Variants in PDE1C observed in about 807,000 individuals in gnomAD.
PDE1C encodes the protein phosphodiesterase 1C, also known as dual specificity calcium/calmodulin-dependent 3',5'-cyclic nucleotide phosphodiesterase 1C.
In PDE1C, 62 loss-of-function variants were observed where a neutral mutation model predicts 93.1. The observed-to-expected ratio is 0.67, with a 90% confidence interval of 0.54 to 0.82. The LOEUF is 0.82. PDE1C is among the 40% of genes least tolerant of loss of function. The pLI, the probability that PDE1C is intolerant of heterozygous loss-of-function variation, is 0.00. For synonymous variants in PDE1C, 325 were observed against 310.1 expected (o/e 1.05, Z -0.50); for missense variants, 742 against 884.6 (o/e 0.84, Z 2.04).
intron 3 of PDE1C, among the ~76,000 whole-genome samples, chr7:32,100,026 A>G (rs1266428952): frequency 6.6e-6 from 1 of 152,122 alleles, no homozygotes; most frequent in African/African-American, 2.4e-5. Flanking sequence ...ACTCACATTG[A>G]AAAAAAGCAT....
At chr7:31,648,999 T>G in the PDE1C span, among the ~76,000 whole-genome samples, 4 of 152,256 alleles carry the variant, frequency 2.6e-5, no homozygotes, top group Non-Finnish European at 5.9e-5. Context: ...AGAGCCATAA[T>G]CTAGCATTCC....
intron 16 of PDE1C, among the ~76,000 whole-genome samples, chr7:31,782,904 T>G (rs1783538889): frequency 6.6e-6 from 1 of 152,260 alleles, no homozygotes; most frequent in African/African-American, 2.4e-5. Context: ...TGGGATAATG[T>G]GTTCTGAGCA....
chr7:32,374,472 T>C (rs978699354), intron 1 of PDE1C, among the ~76,000 whole-genome samples: 1 of 152,180 alleles, frequency 6.6e-6, no homozygotes, highest in Non-Finnish European at 1.5e-5. Flanking sequence ...AGCCACCATG[T>C]AAGAAGTTCA....
At chr7:31,663,325 A>G in the PDE1C span, among the ~76,000 whole-genome samples, 2 of 152,236 alleles carry the variant, frequency 1.3e-5, no homozygotes, top group South Asian at 4.2e-4. Flanking sequence ...TGCTCTTGCC[A>G]CCGCGTTGTA....
chr7:32,273,569 T>C (rs900685355), intron 1 of PDE1C, among the ~76,000 whole-genome samples: 6 of 152,158 alleles, frequency 3.9e-5, no homozygotes, highest in African/African-American at 1.2e-4. Context: ...CATTTGTTTG[T>C]TAGGGAGACA....
chr7:31,878,347 A>G (rs1030641907), intron 4 of PDE1C, among the ~76,000 whole-genome samples: 3 of 152,216 alleles, frequency 2.0e-5, no homozygotes, highest in Non-Finnish European at 2.9e-5. Flanking sequence ...CAGAATAGAC[A>G]GTAAGCAGAG....
At chr7:31,827,621 A>T (rs1451675080) in intron 12 of PDE1C, among the ~76,000 whole-genome samples, 1 of 152,098 alleles carries the variant, frequency 6.6e-6, no homozygotes, top group Non-Finnish European at 1.5e-5. Flanking sequence ...CTCAAAACAC[A>T]AGTAGAAAAA....
the PDE1C span, among the ~76,000 whole-genome samples, chr7:31,677,618 A>G: frequency 6.6e-6 from 1 of 152,198 alleles, no homozygotes; most frequent in Non-Finnish European, 1.5e-5. Context: ...AAAAAAACTC[A>G]ATAAACTATA....
intron 3 of PDE1C, among the ~76,000 whole-genome samples, chr7:32,144,961 T>C (rs1034887265): frequency 7.9e-5 from 12 of 152,200 alleles, no homozygotes; most frequent in Non-Finnish European, 1.8e-4. Context: ...CTGTAATTGG[T>C]TTTTAAAGAG....
chr7:32,010,455 G>A (rs1404249839), intron 2 of PDE1C, among the ~76,000 whole-genome samples: 1 of 152,128 alleles, frequency 6.6e-6, no homozygotes, highest in Admixed American at 6.5e-5. Context: ...TTTCCATATT[G>A]AGTTTCAAAC....
At chr7:32,349,850 G>A (rs1390106726) in intron 1 of PDE1C, among the ~76,000 whole-genome samples, 1 of 152,170 alleles carries the variant, frequency 6.6e-6, no homozygotes, top group Non-Finnish European at 1.5e-5. Context: ...AGGCTGACTC[G>A]AACTCCTGAC....
At chr7:32,027,607 TAAAAAA>T (rs551660766) in intron 2 of PDE1C, among the ~76,000 whole-genome samples, 6 of 78,494 alleles carry the variant, frequency 7.6e-5, no homozygotes, top group African/African-American at 1.8e-4. Flanking sequence ...TCAAAAATGG[TAAAAAA>T]AAAAAAAAAA....
At chr7:32,335,453 T>C (rs1783600164) in intron 1 of PDE1C, among the ~76,000 whole-genome samples, 2 of 152,182 alleles carry the variant, frequency 1.3e-5, no homozygotes, top group African/African-American at 4.8e-5. Context: ...ACAGACTGAG[T>C]GGCTTAAAGA....
At chr7:32,379,388 G>A (rs1784490870) in intron 1 of PDE1C, among the ~76,000 whole-genome samples, 1 of 152,162 alleles carries the variant, frequency 6.6e-6, no homozygotes, top group Non-Finnish European at 1.5e-5. Context: ...CCTCAAAGAG[G>A]AAGAAATAAA....
intron 14 of PDE1C, among the ~76,000 whole-genome samples, chr7:31,816,487 G>GT (rs1412640686): frequency 2.6e-5 from 4 of 152,042 alleles, no homozygotes; most frequent in Admixed American, 2.0e-4. Flanking sequence ...TATGCTGAGT[G>GT]TTTTTTGGGG....
At chr7:31,746,267 C>G (rs1794005233), downstream of PDE1C, among the ~76,000 whole-genome samples, 1 of 152,152 alleles carries the variant, frequency 6.6e-6, no homozygotes, top group African/African-American at 2.4e-5. Flanking sequence ...AGAGAAGAAT[C>G]AGTGACAAAT....
chr7:31,876,816 T>C (rs1213187969), intron 5 of PDE1C, among the ~76,000 whole-genome samples: 2 of 152,076 alleles, frequency 1.3e-5, no homozygotes, highest in Non-Finnish European at 2.9e-5. Context: ...CTTCCTGCTT[T>C]TAAGATTAGG....
At chr7:32,215,028 C>A (rs992364664) in intron 1 of PDE1C, among the ~76,000 whole-genome samples, 1 of 151,898 alleles carries the variant, frequency 6.6e-6, no homozygotes, top group Middle Eastern at 3.4e-3. Context: ...GTGGCAGATC[C>A]ACTGGGTCAG....
intron 3 of PDE1C, among the ~76,000 whole-genome samples, chr7:32,161,801 T>C (rs1397127107): frequency 6.6e-6 from 1 of 152,164 alleles, no homozygotes; most frequent in East Asian, 1.9e-4. Flanking sequence ...ACTGAAAGCT[T>C]CCTGAGGGTT....
Sources: gnomAD v4.1 joint callset for allele counts (sites outside exome capture counted in the v4.1 genomes callset) on GRCh38, gnomAD v4.1.1 for gene constraint, MANE v1.5 for transcripts, NCBI Gene and HGNC (gene_info 2026-07-23, HGNC 2026-07-21) for gene names.